Variants in ARID5B observed in about 807,000 individuals in gnomAD.
ARID5B encodes the protein AT-rich interactive domain-containing protein 5B.
Under a neutral mutation model 97.2 loss-of-function variants are expected in ARID5B, and 13 were observed. The observed-to-expected ratio is 0.13, with a 90% CI of 0.09 to 0.21. The LOEUF is 0.21. Ranked by LOEUF, ARID5B falls within the 10% of genes least tolerant of loss-of-function variation. ARID5B has a pLI of 1.00. For synonymous variants in ARID5B, 556 were observed against 570.3 expected (o/e 0.97, Z 0.36); for missense variants, 1,210 against 1,465.3 (o/e 0.83, Z 2.84).
chr10:62,011,960 T>C (rs1451035877), intron 4 of ARID5B, among the ~76,000 whole-genome samples: 1 of 151,712 alleles, frequency 6.6e-6, no homozygotes, highest in Non-Finnish European at 1.5e-5. Flanking sequence ...ATAAACCAGA[T>C]GCTCCCCCTC....
intron 2 of ARID5B, among the ~76,000 whole-genome samples, chr10:61,933,451 A>G (rs987321259): frequency 2.0e-5 from 3 of 152,194 alleles, no homozygotes; most frequent in Non-Finnish European, 4.4e-5. Context: ...TTTTCCGTTT[A>G]CTTTGCCTAG....
At chr10:62,007,265 A>G (rs1035002287) in intron 4 of ARID5B, among the ~76,000 whole-genome samples, 1 of 152,172 alleles carries the variant, frequency 6.6e-6, no homozygotes, top group Non-Finnish European at 1.5e-5. Context: ...AGATGGATAT[A>G]AGTTCCTTGA....
chr10:61,978,991 G>A (rs1415125560), intron 3 of ARID5B, among the ~76,000 whole-genome samples: 1 of 152,208 alleles, frequency 6.6e-6, no homozygotes, highest in East Asian at 1.9e-4. Flanking sequence ...GATATTGGCT[G>A]TGGGTTTGTC....
At chr10:61,939,006 G>A (rs1020793927) in intron 2 of ARID5B, among the ~76,000 whole-genome samples, 2 of 100,716 alleles carry the variant, frequency 2.0e-5, no homozygotes, top group East Asian at 2.5e-4. Context: ...TGTGTGTGTC[G>A]GTGGGGCAGG....
intron 3 of ARID5B, among the ~76,000 whole-genome samples, chr10:61,980,926 T>C (rs929526940): frequency 1.3e-5 from 2 of 152,196 alleles, no homozygotes; most frequent in Non-Finnish European, 2.9e-5. Context: ...GCACCTCCAC[T>C]GCCTTGCGTC....
intron 7 of ARID5B, among the ~76,000 whole-genome samples, chr10:62,062,044 A>C (rs562659428): frequency 6.6e-6 from 1 of 152,228 alleles, no homozygotes; most frequent in South Asian, 2.1e-4. Context: ...GTTTGCCACC[A>C]CTATTCTACA....
intron 4 of ARID5B, among the ~76,000 whole-genome samples, chr10:62,045,227 C>A (rs1376370909): frequency 1.3e-5 from 2 of 152,158 alleles, no homozygotes; most frequent in Admixed American, 1.3e-4. Flanking sequence ...TTAGGAGTGG[C>A]TTTGATCAAG....
chr10:61,942,764 C>T (rs1004579699), intron 3 of ARID5B, among the ~76,000 whole-genome samples: 1 of 152,212 alleles, frequency 6.6e-6, no homozygotes, highest in African/African-American at 2.4e-5. Context: ...CTTTGCACTC[C>T]AGCCTGGGCG....
At chr10:61,931,027 A>T (rs942886771) in intron 2 of ARID5B, among the ~76,000 whole-genome samples, 4 of 152,196 alleles carry the variant, frequency 2.6e-5, no homozygotes, top group Admixed American at 2.0e-4. Context: ...CACAGTTCTT[A>T]ACAGGAAGGA....
intron 3 of ARID5B, among the ~76,000 whole-genome samples, chr10:61,945,634 G>A (rs559265855): frequency 6.6e-6 from 1 of 152,064 alleles, no homozygotes; most frequent in African/African-American, 2.4e-5. Flanking sequence ...TATACATTCA[G>A]CTTTGTTTTG....
At chr10:62,012,587 G>T (rs1259274579) in intron 4 of ARID5B, among the ~76,000 whole-genome samples, 2 of 152,106 alleles carry the variant, frequency 1.3e-5, no homozygotes, top group Non-Finnish European at 2.9e-5. Flanking sequence ...ACTAGTAAGT[G>T]GTCAAGCTGG....
intron 3 of ARID5B, among the ~76,000 whole-genome samples, chr10:61,942,762 T>A (rs1428573034): frequency 6.6e-6 from 1 of 152,062 alleles, no homozygotes; most frequent in Non-Finnish European, 1.5e-5. Context: ...ACCTTTGCAC[T>A]CCAGCCTGGG....
At chr10:61,945,276 A>T (rs1844481781) in intron 3 of ARID5B, among the ~76,000 whole-genome samples, 1 of 151,756 alleles carries the variant, frequency 6.6e-6, no homozygotes, top group Non-Finnish European at 1.5e-5. Flanking sequence ...TTTGTTTTTT[A>T]TTTTTTTCAG....
Position 62,085,825 on chromosome 10 carries a change from C to T in ARID5B, c.1323C>T (p.Thr441=), listed in dbSNP as rs1840272570. ...ENENKTKVSG[T]KRIKHEIPKS... Reference sequence around the variant, plus strand: ...AGAACAAAACAAAAGTATCTGGAACCAAACGCATCAAACATGAAATACCTA... The same window carrying T: ...AGAACAAAACAAAAGTATCTGGAACTAAACGCATCAAACATGAAATACCTA... Residue 441 remains threonine (T), a synonymous_variant, in exon 9 of 10, where the codon ACC becomes ACT. Coordinates refer to ENST00000279873, the MANE Select transcript of ARID5B (RefSeq NM_032199.3). The T allele has an allele frequency of 6.2e-7, 1 of 1,613,958 alleles. No individual in the cohort carries two copies. Among genetic ancestry groups the T allele is most frequent in the Admixed American group, 1.7e-5 (1 of 59,988 alleles).
Position 62,096,173 on chromosome 10 carries a change from G to A in ARID5B, c.*3143G>A, listed in dbSNP as rs572605736. 176 of 233,474 alleles carry A rather than the reference G, an allele frequency of 7.5e-4. No homozygotes were observed. Among genetic ancestry groups the A allele is most frequent in the South Asian group, 6.9e-3 (38 of 5,522 alleles). The allele number at this position is 233,474 out of a possible 1,614,324, so 14.5% of individuals were successfully genotyped here. A position where few individuals can be genotyped will look rare whatever the true frequency, so the allele number is the denominator to read the frequency against. ...CTCTTAAGTTCACTTGTTTATCAGG[G>A]CATATACAGAAGGGTTTGTTAAAAC... On this transcript the variant is annotated 3_prime_UTR_variant, in exon 10 of 10. Transcript: ENST00000279873.
intron 1 of ARID5B, 73 bp downstream of exon 1, chr10:61,901,803 C>A (rs1021419063): frequency 2.3e-6 from 3 of 1,298,052 alleles, no homozygotes; most frequent in South Asian, 1.2e-5. Context: ...TCACCCACAC[C>A]TCTGCACCCA....
chr10:61,990,509 C>T (rs559891651), intron 3 of ARID5B, among the ~76,000 whole-genome samples: 6 of 152,136 alleles, frequency 3.9e-5, no homozygotes, highest in Non-Finnish European at 8.8e-5. Flanking sequence ...TGCTCTTATC[C>T]TTTGGAAGAA....
chr10:62,092,763 T>A lies in ARID5B; in HGVS notation c.3300T>A (p.Ser1100=), dbSNP rs748489663. 6.2e-7 allele frequency: 1 copy of A among 1,614,220 alleles called. No individual in the cohort carries two copies. Among genetic ancestry groups the A allele is most frequent in the Non-Finnish European group, 8.5e-7 (1 of 1,180,034 alleles). ...ACTCCAGGCTCCCGGCTGGGTATTCTCATTCTCTGCAGTACTTGAAAAACC... is the reference window on the plus strand; with the variant it reads ...ACTCCAGGCTCCCGGCTGGGTATTCACATTCTCTGCAGTACTTGAAAAACC... ...GLNSRLPAGY[S]HSLQYLKNQT... The change falls in exon 10 of 10, where the codon TCT becomes TCA. Residue 1100 remains serine (S), a synonymous_variant. Transcript: ENST00000279873.
intron 3 of ARID5B, among the ~76,000 whole-genome samples, chr10:61,991,400 G>A (rs1838923780): frequency 6.6e-6 from 1 of 152,110 alleles, no homozygotes; most frequent in South Asian, 2.1e-4. Flanking sequence ...CCTACTGGGT[G>A]TGAAGTAATA....
Sources: allele counts gnomAD v4.1 joint callset (sites outside exome capture counted in the v4.1 genomes callset), GRCh38; gene constraint gnomAD v4.1.1; transcripts MANE v1.5; gene names NCBI Gene and HGNC (gene_info 2026-07-23, HGNC 2026-07-21).